The following INO80 variants were observed in gnomAD, a reference collection of about 807,000 sequenced individuals.
The protein encoded by INO80 is INO80 complex ATPase subunit.
In INO80, 20 loss-of-function variants were observed where a neutral mutation model predicts 203.4. The ratio of observed to expected loss-of-function variants is 0.10; its 90% CI spans 0.07 to 0.14. The LOEUF is 0.14. INO80 is among the 10% of genes least tolerant of loss of function. The pLI, the probability that INO80 is intolerant of heterozygous loss-of-function variation, is 1.00. For synonymous variants in INO80, 726 were observed against 685.2 expected, an observed-to-expected ratio of 1.06 and a Z score of -0.93; for missense variants, 1,419 against 1,914.4, an observed-to-expected ratio of 0.74 and a Z score of 4.83.
intron 32 of INO80, among the ~76,000 whole-genome samples, chr15:40,984,825 A>G (rs528933209): frequency 4.6e-5 from 7 of 152,342 alleles, no homozygotes; most frequent in African/African-American, 7.2e-5. Flanking sequence ...TGCTTTCAAT[A>G]TATTTTCTAC....
chr15:41,086,952 A>AGT (rs2045572633), intron 6 of INO80, among the ~76,000 whole-genome samples: 1 of 152,186 alleles, frequency 6.6e-6, no homozygotes, highest in South Asian at 2.1e-4. Context: ...ATATTTGCAG[A>AGT]GTGTGTATAA....
At chr15:41,073,132 T>C (rs1402976068) in intron 11 of INO80, among the ~76,000 whole-genome samples, 1 of 152,010 alleles carries the variant, frequency 6.6e-6, no homozygotes, top group African/African-American at 2.4e-5. Flanking sequence ...GTATTGCCCA[T>C]GATTACTCAA....
chr15:41,096,264 A>G lies in INO80; in HGVS notation c.47T>C (p.Leu16Pro). ...GTACTGAAGATAGAGGGGCTTTGCC[A>G]GCTCAGTGCAGCCTCCATCATCCCT... Reference protein sequence around the residue: ...GARDDGGCTELAKPLYLQYLE... With the variant: ...GARDDGGCTEPAKPLYLQYLE... The change falls in exon 2 of 36, where the codon CTG (leucine) becomes CCG (proline). Residue 16 changes from leucine to proline, a missense_variant. By Grantham distance (98) the Leu-to-Pro change is moderately conservative (BLOSUM62 -3). Coordinates refer to ENST00000648947, the MANE Select transcript of INO80 (RefSeq NM_017553.3). 1 of 1,611,454 alleles carries G rather than the reference A, an allele frequency of 6.2e-7. No individual in the cohort carries two copies. The highest frequency in any genetic ancestry group is 8.5e-7 in the Non-Finnish European group (1 of 1,179,410).
At chr15:41,085,288 T>C in intron 7 of INO80, 81 bp downstream of exon 7, 1 of 1,191,802 alleles carries the variant, frequency 8.4e-7, no homozygotes, top group African/African-American at 1.5e-5. Context: ...TGTGAAAGTA[T>C]CTAGCTCTCA....
At chr15:41,039,558 T>C (rs1323014779) in intron 24 of INO80, among the ~76,000 whole-genome samples, 1 of 152,222 alleles carries the variant, frequency 6.6e-6, no homozygotes, top group Admixed American at 6.5e-5. Flanking sequence ...ATTACGTATG[T>C]TTCTCCTTGC....
chr15:40,984,575 T>A (rs117219122), intron 32 of INO80, among the ~76,000 whole-genome samples: 1 of 151,466 alleles, frequency 6.6e-6, no homozygotes, highest in East Asian at 1.9e-4. Context: ...TAATTCCAAC[T>A]ACTTAGGCTG....
chr15:40,995,081 C>T (rs1448732544), intron 29 of INO80, among the ~76,000 whole-genome samples: 1 of 152,200 alleles, frequency 6.6e-6, no homozygotes, highest in Non-Finnish European at 1.5e-5. Flanking sequence ...GTCTTGAACT[C>T]CTGACCTCAA....
chr15:41,060,569 A>C (rs1215248564), intron 14 of INO80, among the ~76,000 whole-genome samples: 1 of 152,014 alleles, frequency 6.6e-6, no homozygotes, highest in Non-Finnish European at 1.5e-5. Context: ...AAAAAAAAAA[A>C]CAAAAAGATG....
chr15:40,988,786 G>A (rs1161284923), intron 29 of INO80, among the ~76,000 whole-genome samples: 1 of 152,096 alleles, frequency 6.6e-6, no homozygotes, highest in African/African-American at 2.4e-5. Context: ...AGGCCAAGGC[G>A]AGTGGATTAC....
At chr15:41,076,430 G>T (rs1168230000) in intron 9 of INO80, among the ~76,000 whole-genome samples, 1 of 149,496 alleles carries the variant, frequency 6.7e-6, no homozygotes, top group Non-Finnish European at 1.5e-5. Flanking sequence ...TACAAAAAAC[G>T]AATATAGACT....
chr15:41,102,465 G>C (rs964862447), intron 1 of INO80, among the ~76,000 whole-genome samples: 1 of 152,062 alleles, frequency 6.6e-6, no homozygotes, highest in Non-Finnish European at 1.5e-5. Context: ...TCAGGAGTTC[G>C]AGACCAGCCT....
intron 12 of INO80, among the ~76,000 whole-genome samples, chr15:41,071,271 G>A (rs2140593979): frequency 6.6e-6 from 1 of 152,150 alleles, no homozygotes; most frequent in South Asian, 2.1e-4. Context: ...TATACTTTAA[G>A]TTCTAGGGTA....
intron 14 of INO80, among the ~76,000 whole-genome samples, chr15:41,067,779 G>T (rs1011112885): frequency 2.6e-5 from 4 of 152,092 alleles, no homozygotes; most frequent in Admixed American, 2.0e-4. Flanking sequence ...AAATCACAGA[G>T]ATCATGTCAA....
chr15:41,062,273 C>G (rs539582620), intron 14 of INO80, among the ~76,000 whole-genome samples: 2 of 151,974 alleles, frequency 1.3e-5, no homozygotes, highest in Middle Eastern at 3.4e-3. Context: ...TTTTTTAAGT[C>G]AAGAAGGCAA....
intron 14 of INO80, among the ~76,000 whole-genome samples, chr15:41,069,261 C>T (rs1450139687): frequency 1.3e-5 from 2 of 151,758 alleles, no homozygotes; most frequent in African/African-American, 4.8e-5. Context: ...GGCCCTGCCC[C>T]GTTCAAGCGA....
At chr15:41,033,093 A>T (rs1428410708) in intron 24 of INO80, among the ~76,000 whole-genome samples, 5 of 152,266 alleles carry the variant, frequency 3.3e-5, no homozygotes, top group Non-Finnish European at 7.4e-5. Context: ...GCATAAGTAG[A>T]CCATTACCAT....
At chr15:41,023,722 T>C (rs182698821) in intron 25 of INO80, among the ~76,000 whole-genome samples, 140 of 135,786 alleles carry the variant, frequency 1.0e-3, no homozygotes, top group Admixed American at 2.5e-3. Context: ...TGAGCTGAGA[T>C]TGCACCACTG....
At chr15:41,035,470 G>A (rs1049445863) in intron 24 of INO80, among the ~76,000 whole-genome samples, 10 of 151,486 alleles carry the variant, frequency 6.6e-5, no homozygotes, top group Non-Finnish European at 1.5e-4. Context: ...AGGTTGTAGT[G>A]AGCCATGACT....
chr15:41,002,686 G>C (rs186557287), intron 28 of INO80, among the ~76,000 whole-genome samples: 95 of 152,312 alleles, frequency 6.2e-4, no homozygotes, highest in African/African-American at 2.2e-3. Context: ...TGCTAAGACA[G>C]TAATCTAAAA....
Sources: allele counts gnomAD v4.1 joint callset (sites outside exome capture counted in the v4.1 genomes callset), GRCh38; gene constraint gnomAD v4.1.1; transcripts MANE v1.5; gene names NCBI Gene and HGNC (gene_info 2026-07-23, HGNC 2026-07-21).